Variants in FSTL5 observed in about 807,000 individuals in gnomAD.
The protein encoded by FSTL5 is follistatin-related protein 5.
FSTL5 carries 62 observed loss-of-function variants against 89.1 expected under a neutral mutation model. The ratio of observed to expected loss-of-function variants is 0.70; its 90% CI spans 0.57 to 0.86. The LOEUF is 0.86. Ranked by LOEUF, FSTL5 falls within the 40% of genes least tolerant of loss-of-function variation. FSTL5 has a pLI of 0.00. For synonymous variants in FSTL5, 383 were observed against 346.2 expected, an observed-to-expected ratio of 1.11 and a Z score of -1.18; for missense variants, 1,057 against 1,001.6, an observed-to-expected ratio of 1.06 and a Z score of -0.75.
chr4:162,161,170 C>G (rs1275673476), intron 1 of FSTL5, among the ~76,000 whole-genome samples: 2 of 151,850 alleles, frequency 1.3e-5, no homozygotes, highest in African/African-American at 4.8e-5. Context: ...AATGTCTTAA[C>G]AAGACATCCA....
chr4:162,084,272 G>C (rs552511938), intron 2 of FSTL5, among the ~76,000 whole-genome samples: 14 of 151,892 alleles, frequency 9.2e-5, no homozygotes, highest in Non-Finnish European at 2.1e-4. Context: ...TAAATATTCA[G>C]AGTATCATCA....
At chr4:161,976,889 C>T (rs558863375) in intron 3 of FSTL5, among the ~76,000 whole-genome samples, 3 of 152,172 alleles carry the variant, frequency 2.0e-5, no homozygotes, top group African/African-American at 7.2e-5. Context: ...TCTCTCAAGA[C>T]TAAGTTTCTA....
chr4:161,591,165 C>A (rs1430666777), intron 7 of FSTL5, among the ~76,000 whole-genome samples: 1 of 152,112 alleles, frequency 6.6e-6, no homozygotes, highest in Non-Finnish European at 1.5e-5. Flanking sequence ...AGGGCCTTTG[C>A]ATGAATCTTG....
intron 3 of FSTL5, among the ~76,000 whole-genome samples, chr4:161,923,980 TTC>T (rs1734059878): frequency 6.6e-6 from 1 of 151,780 alleles, no homozygotes; most frequent in South Asian, 2.1e-4. Flanking sequence ...AACATACCCT[TTC>T]TGACAGTAAT....
At chr4:161,735,641 A>C (rs1383797212) in intron 6 of FSTL5, among the ~76,000 whole-genome samples, 3 of 152,206 alleles carry the variant, frequency 2.0e-5, no homozygotes, top group Admixed American at 6.5e-5. Flanking sequence ...TTCAGAATTT[A>C]TCATGCGTAT....
intron 15 of FSTL5, among the ~76,000 whole-genome samples, chr4:161,419,931 C>T (rs986845818): frequency 6.6e-6 from 1 of 152,174 alleles, no homozygotes; most frequent in South Asian, 2.1e-4. Context: ...TTAAAACTGT[C>T]ACAAGGCCAG....
chr4:161,764,384 G>A (rs1740914801), intron 5 of FSTL5, among the ~76,000 whole-genome samples: 3 of 151,846 alleles, frequency 2.0e-5, no homozygotes, highest in African/African-American at 2.4e-5. Context: ...TCAGCCACCC[G>A]AGTAGCTGGG....
intron 7 of FSTL5, among the ~76,000 whole-genome samples, chr4:161,599,204 A>G (rs1421216073): frequency 6.6e-6 from 1 of 152,154 alleles, no homozygotes; most frequent in Non-Finnish European, 1.5e-5. Flanking sequence ...AAGATGTTCA[A>G]TATCACTACT....
chr4:161,873,915 G>A (rs1490845862), intron 4 of FSTL5, among the ~76,000 whole-genome samples: 1 of 151,970 alleles, frequency 6.6e-6, no homozygotes, highest in Admixed American at 6.6e-5. Context: ...TTGTGTGACT[G>A]TATTGTAGTT....
At chr4:161,398,521 G>A (rs946240705) in intron 15 of FSTL5, among the ~76,000 whole-genome samples, 2 of 152,048 alleles carry the variant, frequency 1.3e-5, no homozygotes, top group African/African-American at 4.8e-5. Flanking sequence ...TATAAAAGGA[G>A]ACTTTTCTTC....
At chr4:162,124,303 A>T (rs139024232) in intron 1 of FSTL5, among the ~76,000 whole-genome samples, 43 of 152,256 alleles carry the variant, frequency 2.8e-4, no homozygotes, top group Non-Finnish European at 4.4e-4. Context: ...GGTGTAAAAA[A>T]TTTAGTAGTA....
intron 7 of FSTL5, among the ~76,000 whole-genome samples, chr4:161,598,820 C>T (rs1437888555): frequency 1.3e-5 from 2 of 151,744 alleles, no homozygotes; most frequent in East Asian, 1.9e-4. Flanking sequence ...TCACAGAATA[C>T]ACAAAAATCA....
At chr4:162,104,146 T>A (rs2111390640) in intron 2 of FSTL5, among the ~76,000 whole-genome samples, 1 of 152,356 alleles carries the variant, frequency 6.6e-6, no homozygotes, top group East Asian at 1.9e-4. Context: ...GTATCTGCTG[T>A]GCTCCTGATC....
At chr4:161,557,137 G>C (rs192033559) in intron 8 of FSTL5, among the ~76,000 whole-genome samples, 1 of 151,400 alleles carries the variant, frequency 6.6e-6, no homozygotes, top group East Asian at 2.0e-4. Context: ...ACCCTTGTTT[G>C]AGTATCATCA....
At position 161,626,782 on chromosome 4, in the gene FSTL5, T is replaced by A. The variant is rs921412479; in HGVS notation, c.894+29546A>T. ...AACATTCATGATTTATGCCAGAAGG[T>A]CAAACATTTATATTAACAGGAGTTT... is the stretch of plus-strand genomic sequence containing the variant. On this transcript the variant is annotated intron_variant, in intron 7 of 15. Coordinates refer to ENST00000306100, the MANE Select transcript of FSTL5 (RefSeq NM_020116.5). 5.3e-5 allele frequency among the ~76,000 whole-genome samples: 8 copies of A among 152,306 alleles called. No homozygotes were observed. The East Asian group carries it at 1.5e-3, about 29-fold the overall frequency.
intron 3 of FSTL5, among the ~76,000 whole-genome samples, chr4:161,924,428 T>C (rs2110874522): frequency 6.6e-6 from 1 of 151,372 alleles, no homozygotes; most frequent in Non-Finnish European, 1.5e-5. Context: ...ATAGAGTGTA[T>C]CTAAATTGAA....
intron 15 of FSTL5, among the ~76,000 whole-genome samples, chr4:161,450,396 C>T (rs1733119729): frequency 6.6e-6 from 1 of 152,138 alleles, no homozygotes; most frequent in Non-Finnish European, 1.5e-5. Flanking sequence ...TATGTAAATC[C>T]TCATGCTTTA....
intron 4 of FSTL5, among the ~76,000 whole-genome samples, chr4:161,793,402 T>C (rs1729537864): frequency 6.6e-6 from 1 of 152,234 alleles, no homozygotes; most frequent in Non-Finnish European, 1.5e-5. Flanking sequence ...TTTGTTCATA[T>C]AAATGCATTT....
At chr4:161,975,811 A>T (rs972400273) in intron 3 of FSTL5, among the ~76,000 whole-genome samples, 43 of 149,624 alleles carry the variant, frequency 2.9e-4, no homozygotes, top group Admixed American at 1.4e-3. Flanking sequence ...AAAAATAAAT[A>T]AAAAAAAGAT....
Sources: gnomAD v4.1 joint callset for allele counts (sites outside exome capture counted in the v4.1 genomes callset) on GRCh38, gnomAD v4.1.1 for gene constraint, MANE v1.5 for transcripts, NCBI Gene and HGNC (gene_info 2026-07-23, HGNC 2026-07-21) for gene names.